The following NRXN1 variants were observed in gnomAD, a reference collection of about 807,000 sequenced individuals.
NRXN1 encodes neurexin-1.
In NRXN1, 39 loss-of-function variants were observed where a neutral mutation model predicts 150.9. The ratio of observed to expected loss-of-function variants is 0.26; its 90% CI spans 0.20 to 0.34. The LOEUF (loss-of-function observed/expected upper bound fraction) is 0.34, where lower values mean the gene tolerates loss of function less well. NRXN1 is among the 10% of genes least tolerant of loss of function. NRXN1 has a pLI of 1.00. For synonymous variants in NRXN1, 924 were observed against 757.0 expected, an observed-to-expected ratio of 1.22 and a Z score of -3.62; for missense variants, 1,815 against 1,949.9, an observed-to-expected ratio of 0.93 and a Z score of 1.30.
chr2:50,707,637 G>C (rs1278207077), intron 5 of NRXN1, among the ~76,000 whole-genome samples: 1 of 152,128 alleles, frequency 6.6e-6, no homozygotes, highest in African/African-American at 2.4e-5. Flanking sequence ...ATTATATCCA[G>C]ACTGGACTGC....
chr2:50,897,585 G>T (rs1682194459), intron 5 of NRXN1, among the ~76,000 whole-genome samples: 1 of 152,090 alleles, frequency 6.6e-6, no homozygotes, highest in East Asian at 1.9e-4. Context: ...CAATAAAAAG[G>T]AATAAAGTAC....
At chr2:50,552,379 T>C (rs1023333869) in intron 9 of NRXN1, among the ~76,000 whole-genome samples, 13 of 152,232 alleles carry the variant, frequency 8.5e-5, no homozygotes, top group African/African-American at 3.1e-4. Flanking sequence ...AGAAGACATT[T>C]GAGCATTTGG....
chr2:50,987,567 A>C (rs1359539394), intron 2 of NRXN1, among the ~76,000 whole-genome samples: 2 of 151,990 alleles, frequency 1.3e-5, no homozygotes, highest in Admixed American at 6.6e-5. Context: ...AGGAAATCAG[A>C]ATCTTACCAA....
At chr2:50,203,985 A>G (rs755581585) in intron 18 of NRXN1, among the ~76,000 whole-genome samples, 10 of 152,178 alleles carry the variant, frequency 6.6e-5, no homozygotes, top group Non-Finnish European at 1.5e-4. Context: ...CTGTGTAAAT[A>G]TTTCACAAAA....
At chr2:50,578,024 A>G (rs1045336027) in intron 8 of NRXN1, among the ~76,000 whole-genome samples, 11 of 152,180 alleles carry the variant, frequency 7.2e-5, no homozygotes, top group African/African-American at 2.7e-4. Flanking sequence ...TTTAGCAAAG[A>G]AAGAATAGTA....
chr2:50,259,857 A>C (rs895378098), intron 17 of NRXN1, among the ~76,000 whole-genome samples: 2 of 151,850 alleles, frequency 1.3e-5, no homozygotes, highest in African/African-American at 4.8e-5. Context: ...AAGTTATTGT[A>C]CTTAGTTGAT....
intron 2 of NRXN1, among the ~76,000 whole-genome samples, chr2:50,937,516 G>A (rs944796286): frequency 6.6e-6 from 1 of 152,086 alleles, no homozygotes; most frequent in Non-Finnish European, 1.5e-5. Flanking sequence ...CAATCAACTG[G>A]ACATGTCATT....
At chr2:50,308,830 A>C (rs1437053402) in intron 17 of NRXN1, among the ~76,000 whole-genome samples, 1 of 152,180 alleles carries the variant, frequency 6.6e-6, no homozygotes, top group Non-Finnish European at 1.5e-5. Context: ...TGGGTTAATG[A>C]TCTGAGCCCA....
At chr2:50,207,263 G>GTA (rs1177410677) in intron 18 of NRXN1, among the ~76,000 whole-genome samples, 1 of 148,172 alleles carries the variant, frequency 6.7e-6, no homozygotes, top group Non-Finnish European at 1.5e-5. Flanking sequence ...TTTACTAAGA[G>GTA]TATAAGTAGA....
At chr2:50,788,875 C>T (rs1019004596) in intron 5 of NRXN1, among the ~76,000 whole-genome samples, 28 of 152,090 alleles carry the variant, frequency 1.8e-4, no homozygotes, top group Admixed American at 4.6e-4. Flanking sequence ...TAAGGGTAAC[C>T]GAGGCATTGA....
At chr2:50,351,487 C>G (rs945838535) in intron 17 of NRXN1, among the ~76,000 whole-genome samples, 1 of 151,992 alleles carries the variant, frequency 6.6e-6, no homozygotes, top group African/African-American at 2.4e-5. Context: ...ATTGGTCCAA[C>G]GAAAGTTAGG....
intron 19 of NRXN1, among the ~76,000 whole-genome samples, chr2:50,070,769 CAAAA>C (rs546500232): frequency 1.1e-5 from 1 of 94,122 alleles, no homozygotes; most frequent in Non-Finnish European, 2.1e-5. Context: ...GACTCCGTCT[CAAAA>C]AAAAAAAAAA....
chr2:50,456,091 G>A (rs2087527966), intron 17 of NRXN1, among the ~76,000 whole-genome samples: 1 of 152,122 alleles, frequency 6.6e-6, no homozygotes, highest in African/African-American at 2.4e-5. Context: ...AGGGTCATAT[G>A]TTATATATTT....
chr2:50,773,631 C>T (rs964702237), intron 5 of NRXN1, among the ~76,000 whole-genome samples: 38 of 152,114 alleles, frequency 2.5e-4, no homozygotes, highest in African/African-American at 7.2e-4. Flanking sequence ...AAGCTATAAG[C>T]GCCAATCTCT....
intron 8 of NRXN1, among the ~76,000 whole-genome samples, chr2:50,570,031 T>C (rs1382921258): frequency 3.3e-5 from 5 of 152,152 alleles, no homozygotes; most frequent in Non-Finnish European, 7.3e-5. Flanking sequence ...TACATGTGGA[T>C]TTCTGATTAT....
intron 17 of NRXN1, among the ~76,000 whole-genome samples, chr2:50,276,987 G>A (rs2070564419): frequency 6.6e-6 from 1 of 152,086 alleles, no homozygotes; most frequent in African/African-American, 2.4e-5. Context: ...TCATGGATTT[G>A]ATATTTACCT....
chr2:50,063,998 TC>T (rs1175348416), intron 19 of NRXN1, among the ~76,000 whole-genome samples: 16 of 152,168 alleles, frequency 1.1e-4, no homozygotes, highest in African/African-American at 3.4e-4. Flanking sequence ...ATTGTTAGTG[TC>T]CACTTACATA....
intron 5 of NRXN1, among the ~76,000 whole-genome samples, chr2:50,767,677 T>C (rs898917765): frequency 2.6e-5 from 4 of 152,114 alleles, no homozygotes; most frequent in African/African-American, 9.7e-5. Flanking sequence ...TAAACAATAG[T>C]TCTTTAAAGT....
At chr2:50,907,186 CAA>C (rs200119250) in intron 5 of NRXN1, among the ~76,000 whole-genome samples, 54 of 141,066 alleles carry the variant, frequency 3.8e-4, no homozygotes, top group Admixed American at 1.4e-3. Context: ...ACCAAAAAAC[CAA>C]AAAAAAAAAC....
Sources: gnomAD v4.1 joint callset for allele counts (sites outside exome capture counted in the v4.1 genomes callset) on GRCh38, gnomAD v4.1.1 for gene constraint, MANE v1.5 for transcripts, NCBI Gene and HGNC (gene_info 2026-07-23, HGNC 2026-07-21) for gene names.